The following SMYD1 variants were observed in gnomAD, a reference collection of about 807,000 sequenced individuals.
SMYD1 encodes histone-lysine N-methyltransferase SMYD1.
In SMYD1, 49 loss-of-function variants were observed where a neutral mutation model predicts 54.0. That is an observed-to-expected ratio of 0.91 (90% confidence interval 0.72 to 1.15). The LOEUF is 1.15. Among genes scored for constraint, SMYD1 ranks in the 50% most tolerant of loss-of-function variants. The probability of loss-of-function intolerance (pLI) is 0.00; values close to 1 mark genes in which losing one functional copy is unlikely to be tolerated. For missense variants in SMYD1, 653 were observed against 639.6 expected, an observed-to-expected ratio of 1.02 and a Z score of -0.23; for synonymous variants, 269 against 234.2, an observed-to-expected ratio of 1.15 and a Z score of -1.36.
At chr2:88,097,531 C>A (rs1302588682) in intron 6 of SMYD1, among the ~76,000 whole-genome samples, 1 of 152,192 alleles carries the variant, frequency 6.6e-6, no homozygotes, top group African/African-American at 2.4e-5. Context: ...TCCAGTGAAG[C>A]TGTGCTCAGG....
At chr2:88,086,276 TA>T (rs1014232481) in intron 2 of SMYD1, among the ~76,000 whole-genome samples, 4 of 151,920 alleles carry the variant, frequency 2.6e-5, no homozygotes, top group Admixed American at 6.5e-5. Flanking sequence ...AAATTTCAAT[TA>T]AAAAAAATGA....
chr2:88,081,690 C>T (rs1674199300), intron 1 of SMYD1, among the ~76,000 whole-genome samples: 1 of 152,164 alleles, frequency 6.6e-6, no homozygotes, highest in South Asian at 2.1e-4. Flanking sequence ...CGCACCTCGG[C>T]TTCCCACAGT....
chr2:88,102,654 C>T (rs1674745726), intron 6 of SMYD1, among the ~76,000 whole-genome samples: 1 of 152,132 alleles, frequency 6.6e-6, no homozygotes, highest in African/African-American at 2.4e-5. Context: ...TGGATGAAAA[C>T]AAAAATGTAA....
chr2:88,096,839 C>T (rs62156965), intron 6 of SMYD1, 55 bp downstream of exon 6: 320,224 of 1,555,356 alleles, frequency 0.21, 33,786 homozygotes, highest in African/African-American at 0.29. Flanking sequence ...GGGAGCCAGT[C>T]ACAGGTGGTT....
chr2:88,091,023 C>T lies in SMYD1; in HGVS notation c.540C>T (p.Asn180=), dbSNP rs746468835. 6.2e-6 allele frequency: 10 copies of T among 1,612,982 alleles called. No homozygotes were observed. The highest frequency in any genetic ancestry group is 3.3e-5 in the Admixed American group (2 of 59,854). The change falls in exon 4 of 10, where the codon AAC becomes AAT. Residue 180 remains asparagine, a synonymous_variant. Transcript: ENST00000419482. ...ISHIFGVINC[N]GFTLSDQRGL... is the part of the protein sequence containing the mutation. The stretch of plus-strand genomic sequence containing the variant: ...TTTCCCCTGGGTAGATTAACTGCAA[C>T]GGTTTTACTCTCAGTGATCAGAGAG...
At chr2:88,079,941 A>G (rs1674151964) in intron 1 of SMYD1, among the ~76,000 whole-genome samples, 1 of 152,244 alleles carries the variant, frequency 6.6e-6, no homozygotes, top group Admixed American at 6.5e-5. Flanking sequence ...TAAGGGTCTA[A>G]GTTCTGAAAA....
At chr2:88,089,883 C>T (rs74913178) in intron 3 of SMYD1, among the ~76,000 whole-genome samples, 20 of 152,178 alleles carry the variant, frequency 1.3e-4, no homozygotes, top group South Asian at 1.0e-3. Flanking sequence ...TAAGCCACCA[C>T]GCCTGGCCTA....
intron 1 of SMYD1, among the ~76,000 whole-genome samples, chr2:88,070,718 C>T (rs900457190): frequency 4.6e-5 from 7 of 151,726 alleles, no homozygotes; most frequent in South Asian, 2.1e-4. Flanking sequence ...ACCAGGCGGG[C>T]GGATCACCTG....
rs1372175703 is a variant in SMYD1, at chr2:88,108,473, C to G, written c.1248C>G (p.Ile416Met). 2 of 1,612,484 alleles carry G rather than the reference C, an allele frequency of 1.2e-6. No homozygotes were observed. The highest frequency in any genetic ancestry group is 1.7e-6 in the Non-Finnish European group (2 of 1,179,356). The change falls in exon 9 of 10, where the codon ATC becomes ATG. Residue 416 changes from isoleucine to methionine, a missense_variant. Physicochemically the swap from Ile to Met is conservative, Grantham distance 10. Transcript: ENST00000419482. ...ACATTGAGGTGGGGCACGGGATGAT[C>G]TGCAAAGCCTATGCCATTCTCCTGG... Reference protein sequence around the residue: ...AGNIEVGHGMICKAYAILLVT... With the variant: ...AGNIEVGHGMMCKAYAILLVT...
At chr2:88,100,748 G>C (rs1389727704) in intron 6 of SMYD1, among the ~76,000 whole-genome samples, 1 of 152,188 alleles carries the variant, frequency 6.6e-6, no homozygotes, top group African/African-American at 2.4e-5. Context: ...GGCAGCAGCT[G>C]GTAGCAGGCA....
intron 1 of SMYD1, among the ~76,000 whole-genome samples, chr2:88,071,547 G>C (rs1027101314): frequency 2.6e-5 from 4 of 152,138 alleles, no homozygotes; most frequent in Non-Finnish European, 4.4e-5. Context: ...TAAGTGCTAG[G>C]CATGACTAAT....
intron 3 of SMYD1, among the ~76,000 whole-genome samples, chr2:88,090,794 G>A (rs1674443553): frequency 6.6e-6 from 1 of 152,150 alleles, no homozygotes; most frequent in East Asian, 1.9e-4. Flanking sequence ...TTCAAGGTAG[G>A]GCTGCATTTT....
Position 88,112,159 on chromosome 2 carries a change from A to G in SMYD1, c.*1647A>G, listed in dbSNP as rs1341894253. ...CCCACATCACAGGCTTAGGGACGGC[A>G]CTAACTTTCTCCCAGGGATCTAACT... On this transcript the variant is annotated 3_prime_UTR_variant, in exon 10 of 10. Transcript: ENST00000419482. 1.4e-6 allele frequency: 1 copy of G among 703,358 alleles called. No individual in the cohort carries two copies. The highest frequency in any genetic ancestry group is 2.6e-6 in the Non-Finnish European group (1 of 385,072). 43.6% of individuals were successfully genotyped at this position (703,358 alleles called of 1,614,324 possible). A position where few individuals can be genotyped will look rare whatever the true frequency, so the allele number is the denominator to read the frequency against.
Position 88,086,645 on chromosome 2 carries a change from G to A in SMYD1, c.315-1217G>A, listed in dbSNP as rs570067111. Among the ~76,000 whole-genome samples the A allele has an allele frequency of 3.9e-5, 6 of 152,206 alleles. No individual in the cohort carries two copies. In the South Asian group the frequency reaches 8.3e-4, roughly 21 times the overall value. ...GAGGCCTCCGCTCACACTGTTTCCC[G>A]GCCTAGATTGCCTTCTCCACTTTCT... On this transcript the variant is annotated intron_variant, in intron 2 of 9. Transcript: ENST00000419482.
chr2:88,106,046 A>G (rs894356884), intron 7 of SMYD1, among the ~76,000 whole-genome samples: 24 of 151,840 alleles, frequency 1.6e-4, no homozygotes, highest in African/African-American at 5.3e-4. Flanking sequence ...GTGTGTGTGT[A>G]TGTATAGCTT....
intron 1 of SMYD1, among the ~76,000 whole-genome samples, chr2:88,074,530 G>A (rs749350399): frequency 2.0e-5 from 3 of 148,886 alleles, no homozygotes; most frequent in Admixed American, 6.6e-5. Context: ...ATAAGTTCTG[G>A]GGATTAAGAC....
At chr2:88,094,737 C>T (rs1157539115) in intron 5 of SMYD1, among the ~76,000 whole-genome samples, 6 of 152,160 alleles carry the variant, frequency 3.9e-5, no homozygotes, top group Non-Finnish European at 8.8e-5. Context: ...AGTAAAATTA[C>T]TGGAAATTCC....
At chr2:88,102,205 T>C (rs944398294) in intron 6 of SMYD1, among the ~76,000 whole-genome samples, 2 of 152,228 alleles carry the variant, frequency 1.3e-5, no homozygotes, top group Non-Finnish European at 2.9e-5. Flanking sequence ...AAAAAAATGT[T>C]TCAGAAAAGG....
At chr2:88,104,060 A>T (rs563951496) in intron 7 of SMYD1, among the ~76,000 whole-genome samples, 1 of 148,604 alleles carries the variant, frequency 6.7e-6, no homozygotes, top group South Asian at 2.1e-4. Context: ...TCTGCCTCCC[A>T]GGTTCACGCC....
Sources: allele counts gnomAD v4.1 joint callset (sites outside exome capture counted in the v4.1 genomes callset), GRCh38; gene constraint gnomAD v4.1.1; transcripts MANE v1.5; gene names NCBI Gene and HGNC (gene_info 2026-07-23, HGNC 2026-07-21).